RNF141: variants seen among roughly 807,000 people sequenced by gnomAD.
RNF141 encodes the protein ring finger protein 141.
In RNF141, 18 loss-of-function variants were observed where a neutral mutation model predicts 27.4. The ratio of observed to expected loss-of-function variants is 0.66; its 90% CI spans 0.45 to 0.97. The LOEUF (loss-of-function observed/expected upper bound fraction) is 0.97. RNF141 is among the 50% of genes least tolerant of loss of function. The pLI is 0.00. For synonymous variants in RNF141, 97 were observed against 96.6 expected (o/e 1.00, Z -0.02); for missense variants, 230 against 279.4 (o/e 0.82, Z 1.26).
At position 10,513,310 on chromosome 11, in the gene RNF141, CCTA is replaced by C. The variant is rs541383209; in HGVS notation, c.*1603_*1605del. On this transcript the variant is annotated 3_prime_UTR_variant, in exon 6 of 6. Transcript: ENST00000265981. ...ATTTTATTTGCTCGCCTATTAAAAT[CCTA>C]CTATCCAGAAATTCTGTCATCAATA... is the stretch of plus-strand genomic sequence containing the variant. 2 of 152,192 alleles carry C rather than the reference CCTA, an allele frequency of 1.3e-5. No homozygotes were observed. The highest frequency in any genetic ancestry group is 2.9e-5 in the Non-Finnish European group (2 of 68,038). The allele number at this position is 152,192 out of a possible 1,614,324, so 9.4% of individuals were successfully genotyped here.
Position 10,513,204 on chromosome 11 carries a change from G to A in RNF141, c.*1712C>T, listed in dbSNP as rs1849815606. 1 of 152,178 alleles carries A rather than the reference G, an allele frequency of 6.6e-6. No homozygotes were observed. The highest frequency in any genetic ancestry group is 1.5e-5 in the Non-Finnish European group (1 of 68,024). The allele number at this position is 152,178 out of a possible 1,614,324, so 9.4% of individuals were successfully genotyped here. ...GGTACTTAGCTGTCCCATTATGAATGTCAATGGATTAGTCTTCAGTATTTT... is the reference window on the plus strand; with the variant it reads ...GGTACTTAGCTGTCCCATTATGAATATCAATGGATTAGTCTTCAGTATTTT... On this transcript the variant is annotated 3_prime_UTR_variant, in exon 6 of 6. Transcript: ENST00000265981.
chr11:10,530,874 A>G, intron 2 of RNF141, 123 bp from the exon 3 acceptor site: 1 of 531,364 alleles, frequency 1.9e-6, no homozygotes, highest in East Asian at 3.1e-5. Context: ...ACAAAAAGAC[A>G]AATAATAATG....
At chr11:10,523,402 G>T (rs1431366617) in intron 4 of RNF141, among the ~76,000 whole-genome samples, 3 of 152,188 alleles carry the variant, frequency 2.0e-5, no homozygotes, top group Non-Finnish European at 2.9e-5. Flanking sequence ...GCTGAAATGG[G>T]CCGATAATTG....
chr11:10,526,896 T>A (rs1007811669), intron 3 of RNF141, among the ~76,000 whole-genome samples: 1 of 152,006 alleles, frequency 6.6e-6, no homozygotes, highest in Admixed American at 6.5e-5. Flanking sequence ...GAGATGCAAA[T>A]ATACAAGGTT....
At chr11:10,533,258 G>A (rs1281696213) in intron 2 of RNF141, among the ~76,000 whole-genome samples, 2 of 151,972 alleles carry the variant, frequency 1.3e-5, no homozygotes, top group African/African-American at 4.8e-5. Context: ...GGGCATTCAG[G>A]AACAAAGAGC....
In RNF141 at chr11:10,512,701, G is replaced by A. The variant is rs1364664150; in HGVS notation, c.*2215C>T. ...CCAAGGTTTTCAAAATATGTTCCATGGAATACTAAGAATCTATGGAGGAGA... is the reference window on the plus strand; with the variant it reads ...CCAAGGTTTTCAAAATATGTTCCATAGAATACTAAGAATCTATGGAGGAGA... On this transcript the variant is annotated 3_prime_UTR_variant, in exon 6 of 6. Transcript: ENST00000265981. 6.6e-6 allele frequency: 1 copy of A among 150,746 alleles called. No homozygotes were observed. The highest frequency in any genetic ancestry group is 1.5e-5 in the Non-Finnish European group (1 of 67,772). 9.3% of individuals were successfully genotyped at this position (150,746 alleles called of 1,614,324 possible). A position where few individuals can be genotyped will look rare whatever the true frequency, so the allele number is the denominator to read the frequency against.
rs1554905298 is a variant in RNF141 at position 10,539,691 on chromosome 11, C to CATATATATATATATATATATATATAT, written c.-48+1430_-48+1431insATATATATATATATATATATATATAT. ...GATCTTGATCAGAAAAAGATACATACATATATATTAGAGAGAGAAGGAGAG... is the reference window on the plus strand; with the variant it reads ...GATCTTGATCAGAAAAAGATACATACATATATATATATATATATATATATATATATATATTAGAGAGAGAAGGAGAG... On this transcript the variant is annotated intron_variant, in intron 1 of 5. Transcript: ENST00000265981. Among the ~76,000 whole-genome samples, 98 of 40,322 alleles carry CATATATATATATATATATATATATAT rather than the reference C, an allele frequency of 2.4e-3. 9 individuals are homozygous for CATATATATATATATATATATATATAT. The highest frequency in any genetic ancestry group is 5.3e-3 in the African/African-American group (71 of 13,390). 26.5% of individuals were successfully genotyped at this position (40,322 alleles called of 152,430 possible).
At chr11:10,538,943 G>A (rs10770124) in intron 1 of RNF141, among the ~76,000 whole-genome samples, 44,552 of 152,096 alleles carry the variant, frequency 0.29, 6,934 homozygotes, top group Middle Eastern at 0.37. Context: ...AACAAAAGAT[G>A]AATTTCTGGT....
chr11:10,526,709 G>A (rs1004738605), intron 3 of RNF141, among the ~76,000 whole-genome samples: 1 of 151,822 alleles, frequency 6.6e-6, no homozygotes, highest in Non-Finnish European at 1.5e-5. Flanking sequence ...CTTGAACCAG[G>A]AGGCGGAGGT....
At chr11:10,536,878 A>G (rs7938430) in intron 1 of RNF141, among the ~76,000 whole-genome samples, 78 of 152,340 alleles carry the variant, frequency 5.1e-4, no homozygotes, top group Admixed American at 3.1e-3. Flanking sequence ...CTACTAGTCC[A>G]TTATGCTTTG....
rs763324145 is a variant in RNF141, at chr11:10,515,096, G to T, written c.543-30C>A. 2.5e-6 allele frequency: 4 copies of T among 1,574,644 alleles called. No homozygotes were observed. In the Admixed American group the frequency reaches 5.9e-5, roughly 23 times the overall value. On this transcript the variant is annotated intron_variant, in intron 5 of 5. Coordinates refer to ENST00000265981, the MANE Select transcript of RNF141 (RefSeq NM_016422.4). Reference sequence around the variant, plus strand: ...TAGAGAAGTCAAAACAAAACAGTTTGCTTTCTTCTTTTTTAAAAACAGGAT... The same window carrying T: ...TAGAGAAGTCAAAACAAAACAGTTTTCTTTCTTCTTTTTTAAAAACAGGAT...
At chr11:10,528,861 T>G (rs1849962021) in intron 3 of RNF141, among the ~76,000 whole-genome samples, 1 of 152,148 alleles carries the variant, frequency 6.6e-6, no homozygotes, top group Non-Finnish European at 1.5e-5. Context: ...CCTCAGGAGC[T>G]TACTCTCTAA....
At chr11:10,517,312 A>G (rs1074375) in intron 5 of RNF141, 68,875 of 151,862 alleles carry the variant, frequency 0.45, 16,964 homozygotes, top group East Asian at 0.67. Context: ...AGCAATAGTA[A>G]CTATCCAGGA....
At chr11:10,518,981 G>A (rs755688499) in intron 5 of RNF141, 53 bp downstream of exon 5, 58 of 1,374,872 alleles carry the variant, frequency 4.2e-5, no homozygotes, top group Middle Eastern at 3.6e-4. Context: ...GTTTATTCAT[G>A]TACACTATCC....
intron 3 of RNF141, among the ~76,000 whole-genome samples, chr11:10,529,507 G>A (rs1591499649): frequency 6.6e-6 from 1 of 152,212 alleles, no homozygotes; most frequent in Middle Eastern, 3.2e-3. Context: ...TAAGAATGCA[G>A]AGCAAAAGAA....
chr11:10,533,980 A>C (rs372137795), intron 2 of RNF141, 36 bp downstream of exon 2: 54 of 1,601,184 alleles, frequency 3.4e-5, no homozygotes, highest in Non-Finnish European at 4.2e-5. Flanking sequence ...ACATACAACA[A>C]GGGGAAAAAC....
intron 4 of RNF141, 123 bp downstream of exon 4, chr11:10,525,069 A>G: frequency 1.6e-6 from 1 of 624,138 alleles, no homozygotes; most frequent in Non-Finnish European, 2.4e-6. Context: ...TCTCAGATAC[A>G]ATACCAACTG....
At position 10,534,154 on chromosome 11, in the gene RNF141, C is replaced by T. The variant is rs1484148089; in HGVS notation, c.5G>A (p.Gly2Glu). The T allele has an allele frequency of 1.2e-6, 2 of 1,612,204 alleles. No homozygotes were observed. Among genetic ancestry groups the T allele is most frequent in the Non-Finnish European group, 1.7e-6 (2 of 1,179,148 alleles). Reference sequence around the variant, plus strand: ...CTGTGTCTGATCCGAAATTTGCTGTCCCATGATGAAAAGATGTCTTTCAAA... The same window carrying T: ...CTGTGTCTGATCCGAAATTTGCTGTTCCATGATGAAAAGATGTCTTTCAAA... M[G>E]QQISDQTQLV... Residue 2 changes from glycine to glutamate, a missense_variant, in exon 2 of 6, where the codon GGA (glycine) becomes GAA (glutamate). Coordinates refer to ENST00000265981, the MANE Select transcript of RNF141 (RefSeq NM_016422.4).
At chr11:10,536,155 G>C (rs764154377) in intron 1 of RNF141, among the ~76,000 whole-genome samples, 6 of 152,110 alleles carry the variant, frequency 3.9e-5, no homozygotes, top group Non-Finnish European at 8.8e-5. Context: ...ACCTAGTTTT[G>C]TATCAGGGAA....
Sources: gnomAD v4.1 joint callset for allele counts (sites outside exome capture counted in the v4.1 genomes callset) on GRCh38, gnomAD v4.1.1 for gene constraint, MANE v1.5 for transcripts, NCBI Gene and HGNC (gene_info 2026-07-23, HGNC 2026-07-21) for gene names.